The following NTNG1 variants were observed in gnomAD, a reference collection of about 807,000 sequenced individuals.
NTNG1 encodes the protein netrin G1.
In NTNG1, 16 loss-of-function variants were observed where a neutral mutation model predicts 54.0. The observed-to-expected ratio is 0.30, with a 90% confidence interval of 0.20 to 0.45. NTNG1 has a LOEUF of 0.45. NTNG1 is among the 20% of genes least tolerant of loss of function. The pLI is 1.00. For synonymous variants in NTNG1, 255 were observed against 263.1 expected (o/e 0.97, Z 0.30); for missense variants, 530 against 678.7 (o/e 0.78, Z 2.43).
At chr1:107,443,170 A>C (rs1242937833) in intron 7 of NTNG1, among the ~76,000 whole-genome samples, 2 of 152,014 alleles carry the variant, frequency 1.3e-5, no homozygotes, top group Admixed American at 1.3e-4. Flanking sequence ...GAAGTTGCCC[A>C]CCTCAGTTTA....
chr1:107,267,388 G>A (rs747785878), intron 2 of NTNG1, among the ~76,000 whole-genome samples: 8 of 152,196 alleles, frequency 5.3e-5, no homozygotes, highest in East Asian at 3.9e-4. Context: ...TTGCATAGAG[G>A]TAAATCATGA....
chr1:107,249,081 C>A (rs996079138), intron 2 of NTNG1, among the ~76,000 whole-genome samples: 2 of 150,916 alleles, frequency 1.3e-5, no homozygotes, highest in Non-Finnish European at 2.9e-5. Flanking sequence ...ATCACTTGAA[C>A]CCGGGAGGTG....
chr1:107,408,192 A>G (rs1570895865), intron 5 of NTNG1: 1 of 238,872 alleles, frequency 4.2e-6, no homozygotes, highest in East Asian at 1.1e-4. Flanking sequence ...TTGTTAATGC[A>G]TTAAATTCTA....
At chr1:107,166,561 G>T (rs1655810089) in intron 2 of NTNG1, among the ~76,000 whole-genome samples, 2 of 152,030 alleles carry the variant, frequency 1.3e-5, no homozygotes, top group African/African-American at 4.8e-5. Flanking sequence ...TTATTTGCAA[G>T]CTCAGTGATC....
intron 2 of NTNG1, among the ~76,000 whole-genome samples, chr1:107,239,942 C>G (rs965584502): frequency 6.6e-6 from 1 of 152,160 alleles, no homozygotes; most frequent in Non-Finnish European, 1.5e-5. Context: ...ATTAAAATTA[C>G]ATAAACACAC....
chr1:107,312,787 G>T (rs1350033647), intron 2 of NTNG1, among the ~76,000 whole-genome samples: 1 of 152,060 alleles, frequency 6.6e-6, no homozygotes, highest in East Asian at 1.9e-4. Context: ...ATATACTACT[G>T]CTTGGTAGAA....
chr1:107,172,404 A>C (rs1656319821), intron 2 of NTNG1, among the ~76,000 whole-genome samples: 4 of 152,170 alleles, frequency 2.6e-5, no homozygotes, highest in Admixed American at 2.6e-4. Flanking sequence ...AACCATCTCA[A>C]TGATTAGGTA....
intron 2 of NTNG1, among the ~76,000 whole-genome samples, chr1:107,276,178 T>C (rs1422191280): frequency 6.6e-6 from 1 of 152,232 alleles, no homozygotes; most frequent in Non-Finnish European, 1.5e-5. Context: ...CTGAATCTGA[T>C]TCCTTACTAA....
At chr1:107,465,922 G>A (rs566987206) in intron 7 of NTNG1, among the ~76,000 whole-genome samples, 7 of 152,198 alleles carry the variant, frequency 4.6e-5, no homozygotes, top group Non-Finnish European at 7.4e-5. Flanking sequence ...TAATTATAAC[G>A]TGTTAATTTT....
At chr1:107,190,417 A>AT (rs1022401379) in intron 2 of NTNG1, among the ~76,000 whole-genome samples, 1 of 151,980 alleles carries the variant, frequency 6.6e-6, no homozygotes, top group Non-Finnish European at 1.5e-5. Context: ...TTGTACCATC[A>AT]TTTTTTTAAA....
At chr1:107,325,180 T>C (rs770118835) in intron 3 of NTNG1, among the ~76,000 whole-genome samples, 1 of 152,122 alleles carries the variant, frequency 6.6e-6, no homozygotes, top group Non-Finnish European at 1.5e-5. Flanking sequence ...AGTAACTCCC[T>C]GAGTCGGGAG....
At chr1:107,236,099 T>C (rs1245215579) in intron 2 of NTNG1, among the ~76,000 whole-genome samples, 1 of 152,036 alleles carries the variant, frequency 6.6e-6, no homozygotes, top group Non-Finnish European at 1.5e-5. Flanking sequence ...ACAAATCTAG[T>C]CATATCATGT....
At chr1:107,220,734 G>T (rs1471219111) in intron 2 of NTNG1, among the ~76,000 whole-genome samples, 1 of 152,142 alleles carries the variant, frequency 6.6e-6, no homozygotes, top group Admixed American at 6.5e-5. Context: ...TAAGATAAAT[G>T]CCTAATGGAT....
At chr1:107,373,200 A>G (rs1671031711) in intron 3 of NTNG1, among the ~76,000 whole-genome samples, 1 of 151,998 alleles carries the variant, frequency 6.6e-6, no homozygotes, top group South Asian at 2.1e-4. Flanking sequence ...GGAATTTTTT[A>G]AATGATTCCT....
intron 3 of NTNG1, among the ~76,000 whole-genome samples, chr1:107,343,752 G>GAATTTTGTACTA (rs1669062009): frequency 6.6e-6 from 1 of 152,052 alleles, no homozygotes; most frequent in African/African-American, 2.4e-5. Context: ...TGTTAAAAAG[G>GAATTTTGTACTA]AATTTTGTAC....
At chr1:107,425,696 A>G (rs1168827191) in intron 5 of NTNG1, among the ~76,000 whole-genome samples, 1 of 152,148 alleles carries the variant, frequency 6.6e-6, no homozygotes, top group East Asian at 1.9e-4. Context: ...GTAGATACCC[A>G]GTAGTAGAAT....
At chr1:107,192,277 C>T (rs1658013335) in intron 2 of NTNG1, among the ~76,000 whole-genome samples, 1 of 152,060 alleles carries the variant, frequency 6.6e-6, no homozygotes, top group South Asian at 2.1e-4. Flanking sequence ...TCTACTTGCT[C>T]TGTGCCCCTG....
At chr1:107,309,085 C>T (rs1666856521) in intron 2 of NTNG1, among the ~76,000 whole-genome samples, 1 of 152,146 alleles carries the variant, frequency 6.6e-6, no homozygotes, top group Non-Finnish European at 1.5e-5. Context: ...GTCCCTTGTT[C>T]TCACAACTAG....
intron 2 of NTNG1, among the ~76,000 whole-genome samples, chr1:107,251,119 G>T (rs1662576606): frequency 1.3e-5 from 2 of 152,136 alleles, no homozygotes; most frequent in South Asian, 2.1e-4. Flanking sequence ...ACTGGGAAAA[G>T]AATACGTTCT....
Sources: allele counts gnomAD v4.1 joint callset (sites outside exome capture counted in the v4.1 genomes callset), GRCh38; gene constraint gnomAD v4.1.1; transcripts MANE v1.5; gene names NCBI Gene and HGNC (gene_info 2026-07-23, HGNC 2026-07-21).